Variants in SEMA3A observed in about 807,000 individuals in gnomAD.
SEMA3A encodes semaphorin-3A.
SEMA3A carries 29 observed loss-of-function variants against 97.9 expected under a neutral mutation model. The ratio of observed to expected loss-of-function variants is 0.30; its 90% confidence interval spans 0.22 to 0.40. SEMA3A has a LOEUF of 0.40. Ranked by LOEUF, SEMA3A falls within the 10% of genes least tolerant of loss-of-function variation. SEMA3A has a pLI of 1.00. For missense variants in SEMA3A, 763 were observed against 951.3 expected, an observed-to-expected ratio of 0.80 and a Z score of 2.60; for synonymous variants, 321 against 323.7, an observed-to-expected ratio of 0.99 and a Z score of 0.09.
rs528260776 is a variant in SEMA3A at position 84,245,293 on chromosome 7, C to T, written c.-82-50625G>A. Among the ~76,000 whole-genome samples the T allele has an allele frequency of 3.3e-5, 5 of 152,068 alleles. 1 individual carries two copies. The highest frequency in any genetic ancestry group is 1.2e-4 in the African/African-American group (5 of 41,516). On this transcript the variant is annotated intron_variant, in intron 3 of 3. Transcript: ENST00000424555. ...CTTGGAGGCTTTGTTCGTTCCTTTT[C>T]ATTCTTTTTTCTCTAATCTTGTCTT...
At chr7:84,423,105 C>T (rs1804644582) in intron 1 of SEMA3A, among the ~76,000 whole-genome samples, 1 of 151,950 alleles carries the variant, frequency 6.6e-6, no homozygotes, top group Admixed American at 6.6e-5. Context: ...AATAGTTTTA[C>T]CATTGTACAA....
intron 1 of SEMA3A, among the ~76,000 whole-genome samples, chr7:84,382,836 C>G (rs1490142168): frequency 6.6e-6 from 1 of 151,934 alleles, no homozygotes; most frequent in African/African-American, 2.4e-5. Flanking sequence ...CGAGATCATG[C>G]CACTGCACTC....
At chr7:84,216,168 A>C (rs1798751557) in intron 3 of SEMA3A, among the ~76,000 whole-genome samples, 1 of 152,118 alleles carries the variant, frequency 6.6e-6, no homozygotes, top group African/African-American at 2.4e-5. Context: ...GCTCACTGCC[A>C]CCATCTTTGC....
At chr7:84,154,691 C>CAAAAAAAAAAA (rs76502594) in intron 1 of SEMA3A, among the ~76,000 whole-genome samples, 2 of 108,418 alleles carry the variant, frequency 1.8e-5, no homozygotes, top group Non-Finnish European at 2.1e-5. Flanking sequence ...AAAAAAAAAA[C>CAAAAAAAAAAA]AAAAAAAAAA....
chr7:84,150,614 T>C (rs185312435), intron 1 of SEMA3A, among the ~76,000 whole-genome samples: 122 of 152,240 alleles, frequency 8.0e-4, no homozygotes, highest in Middle Eastern at 3.4e-3. Context: ...CGCTGATTGC[T>C]AGCACAGCAG....
chr7:84,194,400 G>A, intron 1 of SEMA3A, 75 bp downstream of exon 1: 1 of 901,226 alleles, frequency 1.1e-6, no homozygotes, highest in African/African-American at 1.8e-5. Context: ...ATTTGGGGTT[G>A]GGAGGGAGTT....
chr7:84,405,867 C>T (rs1414231416), intron 1 of SEMA3A, among the ~76,000 whole-genome samples: 1 of 152,088 alleles, frequency 6.6e-6, no homozygotes, highest in Non-Finnish European at 1.5e-5. Flanking sequence ...AAAGACACAA[C>T]ATACCAGAAT....
chr7:84,204,081 A>G (rs1798427789), intron 3 of SEMA3A, among the ~76,000 whole-genome samples: 1 of 152,172 alleles, frequency 6.6e-6, no homozygotes, highest in African/African-American at 2.4e-5. Flanking sequence ...GGACTATCAC[A>G]GTATGTTACT....
chr7:84,174,640 A>G (rs1012312756), intron 1 of SEMA3A, among the ~76,000 whole-genome samples: 1 of 152,210 alleles, frequency 6.6e-6, no homozygotes, highest in African/African-American at 2.4e-5. Context: ...ATTATGTACT[A>G]CTGGAGAGCT....
At chr7:84,489,332 G>A (rs929453416) in intron 1 of SEMA3A, 1 of 152,084 alleles carries the variant, frequency 6.6e-6, no homozygotes, top group Non-Finnish European at 1.5e-5. Flanking sequence ...ACAATTCATG[G>A]AGAGACTTGG....
intron 2 of SEMA3A, among the ~76,000 whole-genome samples, chr7:84,318,138 A>C (rs981256013): frequency 2.6e-5 from 4 of 152,014 alleles, no homozygotes; most frequent in Non-Finnish European, 5.9e-5. Context: ...CTTAAAAATA[A>C]AAATATACAT....
intron 2 of SEMA3A, among the ~76,000 whole-genome samples, chr7:84,349,539 C>T (rs951514820): frequency 2.6e-5 from 4 of 152,106 alleles, no homozygotes; most frequent in Non-Finnish European, 4.4e-5. Flanking sequence ...GATGGTTTTC[C>T]TGAATAAGTG....
intron 6 of SEMA3A, among the ~76,000 whole-genome samples, chr7:84,030,619 G>A: frequency 6.6e-6 from 1 of 151,976 alleles, no homozygotes; most frequent in East Asian, 1.9e-4. Context: ...TTTAAAATAA[G>A]GAGTCTAGAT....
At chr7:84,116,690 G>A (rs1260477678) in intron 3 of SEMA3A, among the ~76,000 whole-genome samples, 1 of 152,078 alleles carries the variant, frequency 6.6e-6, no homozygotes, top group Non-Finnish European at 1.5e-5. Context: ...AGGAGACATC[G>A]GGGCATGAGT....
chr7:83,976,115 T>C (rs1249378330), intron 15 of SEMA3A, among the ~76,000 whole-genome samples: 1 of 152,148 alleles, frequency 6.6e-6, no homozygotes, highest in African/African-American at 2.4e-5. Flanking sequence ...CCCGTGAGCA[T>C]TCGTAAATCA....
At chr7:84,187,747 TTTA>T (rs924326602) in intron 1 of SEMA3A, among the ~76,000 whole-genome samples, 5 of 152,254 alleles carry the variant, frequency 3.3e-5, no homozygotes, top group African/African-American at 1.2e-4. Context: ...ATAATTTTGT[TTTA>T]TTAACAGGCA....
intron 1 of SEMA3A, among the ~76,000 whole-genome samples, chr7:84,160,604 T>G (rs1021062119): frequency 6.6e-6 from 1 of 151,410 alleles, no homozygotes; most frequent in Non-Finnish European, 1.5e-5. Context: ...GGGGGTCAGG[T>G]GCGGTGGCTC....
At chr7:83,982,777 T>C (rs1329923631) in intron 13 of SEMA3A, among the ~76,000 whole-genome samples, 2 of 152,116 alleles carry the variant, frequency 1.3e-5, no homozygotes, top group Non-Finnish European at 2.9e-5. Context: ...GGCTTTCATG[T>C]ATAAACTGCA....
intron 15 of SEMA3A, among the ~76,000 whole-genome samples, chr7:83,965,759 C>A (rs1788671851): frequency 7.5e-6 from 1 of 133,414 alleles, no homozygotes; most frequent in Non-Finnish European, 1.6e-5. Context: ...CGGCTCACTG[C>A]AAGCTCCGCC....
Sources: gnomAD v4.1 joint callset for allele counts (sites outside exome capture counted in the v4.1 genomes callset) on GRCh38, gnomAD v4.1.1 for gene constraint, MANE v1.5 for transcripts, NCBI Gene and HGNC (gene_info 2026-07-23, HGNC 2026-07-21) for gene names.